Variants in PARD3 observed in about 807,000 individuals in gnomAD.
PARD3 encodes the protein partitioning defective 3 homolog.
In PARD3, 75 loss-of-function variants were observed where a neutral mutation model predicts 155.4. That is an observed-to-expected ratio of 0.48 (90% CI 0.40 to 0.58). The LOEUF (loss-of-function observed/expected upper bound fraction) is 0.58, where lower values mean the gene tolerates loss of function less well. PARD3 is among the 20% of genes least tolerant of loss of function. The pLI is 0.00. For missense variants in PARD3, 1,642 were observed against 1,721.7 expected, an observed-to-expected ratio of 0.95 and a Z score of 0.82; for synonymous variants, 576 against 610.5, an observed-to-expected ratio of 0.94 and a Z score of 0.83.
At chr10:34,295,205 C>T (rs1404858922) in intron 20 of PARD3, among the ~76,000 whole-genome samples, 1 of 152,144 alleles carries the variant, frequency 6.6e-6, no homozygotes, top group African/African-American at 2.4e-5. Flanking sequence ...GGTTAAGAAA[C>T]CATCTGAAAT....
At position 34,293,923 on chromosome 10, in the gene PARD3, C is replaced by G. The variant is rs553821414; in HGVS notation, c.3066-9678G>C. ...ATCTGGTTACCATGGTTTTCCTTTTCCTAAAGCAAGGGAACAATTTAGTAA... is the reference window on the plus strand; with the variant it reads ...ATCTGGTTACCATGGTTTTCCTTTTGCTAAAGCAAGGGAACAATTTAGTAA... On this transcript the variant is annotated intron_variant, in intron 20 of 24. Transcript: ENST00000374788. Among the ~76,000 whole-genome samples, 4 of 152,244 alleles carry G rather than the reference C, an allele frequency of 2.6e-5. No homozygotes were observed. The South Asian group carries it at 8.3e-4, about 32-fold the overall frequency.
At chr10:34,506,374 C>A (rs990903908) in intron 3 of PARD3, among the ~76,000 whole-genome samples, 1 of 152,074 alleles carries the variant, frequency 6.6e-6, no homozygotes. Context: ...TGGTAAACAT[C>A]AGGAAGGTGA....
At chr10:34,563,096 T>A (rs1447750814) in intron 2 of PARD3, among the ~76,000 whole-genome samples, 1 of 152,118 alleles carries the variant, frequency 6.6e-6, no homozygotes, top group African/African-American at 2.4e-5. Context: ...AAAAAACAAA[T>A]CCATTTTTCT....
intron 5 of PARD3, among the ~76,000 whole-genome samples, chr10:34,414,635 G>A (rs1845475107): frequency 6.6e-6 from 1 of 151,248 alleles, no homozygotes; most frequent in African/African-American, 2.4e-5. Context: ...GGGCAACACA[G>A]CGAGACCCAG....
chr10:34,614,608 G>T (rs2496714), intron 2 of PARD3, among the ~76,000 whole-genome samples: 2 of 151,976 alleles, frequency 1.3e-5, no homozygotes, highest in Non-Finnish European at 2.9e-5. Flanking sequence ...ATATTTAAAA[G>T]ATTTTAAAGA....
intron 2 of PARD3, among the ~76,000 whole-genome samples, chr10:34,529,230 T>A (rs1403741348): frequency 1.3e-5 from 2 of 152,184 alleles, no homozygotes; most frequent in Non-Finnish European, 2.9e-5. Context: ...TGAATGCGGA[T>A]CACCCATGGA....
In PARD3 at chr10:34,523,619, G is replaced by A. The variant is rs185128769; in HGVS notation, c.223-6460C>T. 9.9e-5 allele frequency among the ~76,000 whole-genome samples: 15 copies of A among 152,262 alleles called. No homozygotes were observed. The South Asian group carries it at 1.9e-3, about 19-fold the overall frequency. ...ACAAGAAGCACAACACAGAAAGTGC[G>A]TGTTTGAGAGATGACAGGGAGATGT... On this transcript the variant is annotated intron_variant, in intron 2 of 24. Coordinates refer to ENST00000374788, the MANE Select transcript of PARD3 (RefSeq NM_001184785.2).
intron 22 of PARD3, among the ~76,000 whole-genome samples, chr10:34,210,906 A>G (rs1951714264): frequency 6.6e-6 from 1 of 152,132 alleles, no homozygotes; most frequent in Non-Finnish European, 1.5e-5. Flanking sequence ...TGTGCCCCCA[A>G]TATTAAAGGA....
chr10:34,578,531 T>C (rs1160629173), intron 2 of PARD3, among the ~76,000 whole-genome samples: 1 of 152,244 alleles, frequency 6.6e-6, no homozygotes, highest in Admixed American at 6.5e-5. Context: ...ACATAGTATA[T>C]GCCAAGCACC....
At chr10:34,411,919 C>CGT (rs61517279) in intron 5 of PARD3, among the ~76,000 whole-genome samples, 8,488 of 141,016 alleles carry the variant, frequency 0.06, 336 homozygotes, top group Middle Eastern at 0.14. Flanking sequence ...ATAAGCTAGT[C>CGT]GTGTGTGTGT....
intron 2 of PARD3, among the ~76,000 whole-genome samples, chr10:34,645,186 T>TTTTTA (rs1274603026): frequency 8.7e-6 from 1 of 115,480 alleles, no homozygotes; most frequent in African/African-American, 3.1e-5. Context: ...TTTTATTTTA[T>TTTTTA]TTTTATTTTA....
intron 2 of PARD3, among the ~76,000 whole-genome samples, chr10:34,531,316 G>C (rs1234437791): frequency 2.0e-5 from 3 of 152,096 alleles, no homozygotes; most frequent in Non-Finnish European, 4.4e-5. Flanking sequence ...GCTGCCTCTT[G>C]GTTGGCAGAA....
At chr10:34,665,365 A>C (rs1401868864) in intron 2 of PARD3, among the ~76,000 whole-genome samples, 1 of 151,636 alleles carries the variant, frequency 6.6e-6, no homozygotes, top group African/African-American at 2.4e-5. Flanking sequence ...AAACAAACAA[A>C]AAAAAATAGC....
At chr10:34,186,089 T>TTC (rs1047448814) in intron 22 of PARD3, among the ~76,000 whole-genome samples, 5 of 151,422 alleles carry the variant, frequency 3.3e-5, no homozygotes, top group African/African-American at 1.2e-4. Flanking sequence ...TTGGAGAAGG[T>TTC]TCTCTCTCTC....
At chr10:34,256,405 AG>A (rs1429068526) in intron 22 of PARD3, among the ~76,000 whole-genome samples, 1 of 152,246 alleles carries the variant, frequency 6.6e-6, no homozygotes, top group Non-Finnish European at 1.5e-5. Context: ...CCACAGCCGG[AG>A]CAGGGCCAGG....
chr10:34,545,217 G>T (rs1173990459), intron 2 of PARD3, among the ~76,000 whole-genome samples: 1 of 152,106 alleles, frequency 6.6e-6, no homozygotes, highest in African/African-American at 2.4e-5. Flanking sequence ...TTTGCAACCT[G>T]ATCACCTGTT....
intron 2 of PARD3, among the ~76,000 whole-genome samples, chr10:34,555,363 T>C (rs1042319640): frequency 2.0e-5 from 3 of 152,202 alleles, no homozygotes; most frequent in African/African-American, 7.2e-5. Context: ...CTCAACAGAA[T>C]GATACAATCA....
intron 2 of PARD3, among the ~76,000 whole-genome samples, chr10:34,577,503 C>T (rs1050847347): frequency 6.6e-6 from 1 of 152,154 alleles, no homozygotes; most frequent in Non-Finnish European, 1.5e-5. Context: ...TGTTTCAAAC[C>T]GCTGGACACT....
intron 22 of PARD3, among the ~76,000 whole-genome samples, chr10:34,206,039 G>A (rs1564481238): frequency 6.6e-6 from 1 of 152,160 alleles, no homozygotes; most frequent in Non-Finnish European, 1.5e-5. Flanking sequence ...TACAGCCAGA[G>A]AAAAGCAGAT....
Sources: allele counts gnomAD v4.1 joint callset (sites outside exome capture counted in the v4.1 genomes callset), GRCh38; gene constraint gnomAD v4.1.1; transcripts MANE v1.5; gene names NCBI Gene and HGNC (gene_info 2026-07-23, HGNC 2026-07-21).